The following MDFIC2 variants were observed in gnomAD, a reference collection of about 807,000 sequenced individuals.
MDFIC2 encodes MyoD family inhibitor domain containing 2, also known as myoD family inhibitor domain-containing protein 2.
chr3:70,259,882 G>A (rs1165381929), intron 2 of MDFIC2, among the ~76,000 whole-genome samples: 1 of 152,144 alleles, frequency 6.6e-6, no homozygotes, highest in Non-Finnish European at 1.5e-5. Context: ...AGGTGGAGGG[G>A]AAGCAAGGCA....
intron 2 of MDFIC2, chr3:70,249,622 T>C (rs60142787): frequency 6.6e-6 from 1 of 151,868 alleles, no homozygotes; most frequent in Non-Finnish European, 1.5e-5. Context: ...TGGAAAGAAA[T>C]GTAATGTTTT....
Position 70,250,211 on chromosome 3 carries a change from T to C in MDFIC2, c.89-43421A>G, listed in dbSNP as rs565556847. On this transcript the variant is annotated intron_variant, in intron 2 of 3. Coordinates refer to ENST00000567252, the MANE Select transcript of MDFIC2 (RefSeq NM_001364677.1). The stretch of plus-strand genomic sequence containing the variant: ...TAACACTTTCTCACAACTTCTTGAG[T>C]TGGGCCTCTTAATTCTTCTCATCTT... 2.2e-4 allele frequency among the ~76,000 whole-genome samples: 33 copies of C among 152,254 alleles called. No individual in the cohort carries two copies. The South Asian group carries it at 6.6e-3, about 31-fold the overall frequency.
intron 2 of MDFIC2, among the ~76,000 whole-genome samples, chr3:70,287,865 T>C (rs1449862008): frequency 2.6e-4 from 38 of 148,758 alleles, no homozygotes; most frequent in South Asian, 6.4e-4. Flanking sequence ...TGTAGTATTC[T>C]CTGATGGTAG....
At chr3:70,252,624 A>G (rs890015188) in intron 2 of MDFIC2, among the ~76,000 whole-genome samples, 48 of 152,190 alleles carry the variant, frequency 3.2e-4, no homozygotes, top group African/African-American at 1.1e-3. Flanking sequence ...GATGTGCCCC[A>G]TTTATAGGAG....
rs543858455 is a variant in MDFIC2 at position 70,289,425 on chromosome 3, A to G, written c.88+22461T>C. 2.2e-4 allele frequency among the ~76,000 whole-genome samples: 33 copies of G among 149,454 alleles called. 2 individuals are homozygous for G. In the South Asian group the frequency reaches 5.9e-3, roughly 27 times the overall value. ...TGGCTTGTAGGGTTTCTGCCGAGAGATCCGCTGTTAGTCTGATGGGCTTCC... is the reference window on the plus strand; with the variant it reads ...TGGCTTGTAGGGTTTCTGCCGAGAGGTCCGCTGTTAGTCTGATGGGCTTCC... On this transcript the variant is annotated intron_variant, in intron 2 of 3. Coordinates refer to ENST00000567252, the MANE Select transcript of MDFIC2 (RefSeq NM_001364677.1).
At chr3:70,304,089 G>A (rs981317192) in intron 2 of MDFIC2, among the ~76,000 whole-genome samples, 1 of 152,196 alleles carries the variant, frequency 6.6e-6, no homozygotes, top group African/African-American at 2.4e-5. Context: ...AATCCCAAAT[G>A]TCAACCAGGG....
chr3:70,260,691 T>C (rs1012495358), intron 2 of MDFIC2, among the ~76,000 whole-genome samples: 4 of 152,112 alleles, frequency 2.6e-5, no homozygotes, highest in African/African-American at 9.7e-5. Flanking sequence ...TCTCTCCAGA[T>C]TCAGCACCTG....
chr3:70,305,544 T>A (rs565031772), intron 2 of MDFIC2, among the ~76,000 whole-genome samples: 1 of 152,344 alleles, frequency 6.6e-6, no homozygotes, highest in African/African-American at 2.4e-5. Flanking sequence ...AATAAAGCAC[T>A]TAAGTACATG....
chr3:70,250,409 TCTCACACACACACACACACACA>T (rs1303797876), intron 2 of MDFIC2, among the ~76,000 whole-genome samples: 1 of 126,220 alleles, frequency 7.9e-6, no homozygotes, highest in Non-Finnish European at 1.7e-5. Flanking sequence ...TTTTAATGAA[TCTCACACACACACACACACACA>T]CACACACACA....
chr3:70,263,735 C>T (rs1171099686), intron 2 of MDFIC2, among the ~76,000 whole-genome samples: 19 of 152,168 alleles, frequency 1.2e-4, no homozygotes. Flanking sequence ...ATCCTCTCTG[C>T]CTCCCCAAAT....
At chr3:70,197,477 C>CTCTG (rs1701193762) in intron 3 of MDFIC2, among the ~76,000 whole-genome samples, 1 of 152,190 alleles carries the variant, frequency 6.6e-6, no homozygotes, top group African/African-American at 2.4e-5. Context: ...GCCTGCAAGG[C>CTCTG]TCTGGGAAGC....
chr3:70,255,886 A>C (rs1427499107), intron 2 of MDFIC2, among the ~76,000 whole-genome samples: 7 of 152,170 alleles, frequency 4.6e-5, no homozygotes, highest in African/African-American at 1.7e-4. Flanking sequence ...TTAGGTGCAA[A>C]CTGTGTGGAT....
Position 70,279,000 on chromosome 3 carries a change from G to A in MDFIC2, c.88+32886C>T, listed in dbSNP as rs1452985370. The stretch of plus-strand genomic sequence containing the variant: ...CAGTGAAGTGGCTCTGAGAAAATCC[G>A]TCTATATGTAGATGCCTATCAGTAT... On this transcript the variant is annotated intron_variant, in intron 2 of 3. Coordinates refer to ENST00000567252, the MANE Select transcript of MDFIC2 (RefSeq NM_001364677.1). Among the ~76,000 whole-genome samples, 9 of 151,128 alleles carry A rather than the reference G, an allele frequency of 6.0e-5. No individual in the cohort carries two copies. The South Asian group carries it at 6.4e-4, about 11-fold the overall frequency.
intron 2 of MDFIC2, among the ~76,000 whole-genome samples, chr3:70,210,696 G>T (rs1478999050): frequency 4.6e-5 from 7 of 152,046 alleles, no homozygotes; most frequent in African/African-American, 7.2e-5. Context: ...CATAGTTCTT[G>T]ACATTAATTT....
chr3:70,269,210 AAATT>A (rs1351424269), intron 2 of MDFIC2, among the ~76,000 whole-genome samples: 33 of 152,216 alleles, frequency 2.2e-4, no homozygotes, highest in Non-Finnish European at 3.4e-4. Flanking sequence ...ATACTCATAA[AAATT>A]AATTAATTAT....
At chr3:70,284,355 A>C (rs375897684) in intron 2 of MDFIC2, among the ~76,000 whole-genome samples, 14 of 152,316 alleles carry the variant, frequency 9.2e-5, no homozygotes, top group African/African-American at 3.4e-4. Flanking sequence ...TAAAGTTTGC[A>C]TTTGAGTTTT....
At chr3:70,290,955 T>A (rs539570297) in intron 2 of MDFIC2, among the ~76,000 whole-genome samples, 1 of 152,268 alleles carries the variant, frequency 6.6e-6, no homozygotes, top group East Asian at 1.9e-4. Flanking sequence ...CTGAGCCCAC[T>A]GTCTGGCACT....
At chr3:70,306,605 CTCTCATGAA>C (rs1702403378) in intron 2 of MDFIC2, among the ~76,000 whole-genome samples, 1 of 151,540 alleles carries the variant, frequency 6.6e-6, no homozygotes, top group African/African-American at 2.4e-5. Flanking sequence ...TTTTTTTTCT[CTCTCATGAA>C]TTTTCCCATT....
intron 2 of MDFIC2, among the ~76,000 whole-genome samples, chr3:70,267,421 G>C (rs1194303714): frequency 2.2e-5 from 1 of 45,296 alleles, no homozygotes; most frequent in Admixed American, 2.9e-4. Flanking sequence ...TTTTTTTTTT[G>C]AGCGGGAGTC....
Sources: gnomAD v4.1 joint callset for allele counts (sites outside exome capture counted in the v4.1 genomes callset) on GRCh38, gnomAD v4.1.1 for gene constraint, MANE v1.5 for transcripts, NCBI Gene and HGNC (gene_info 2026-07-23, HGNC 2026-07-21) for gene names.